Variants in ROBO1 observed in about 807,000 individuals in gnomAD.
ROBO1 encodes the protein roundabout homolog 1.
ROBO1 carries 149 observed loss-of-function variants against 195.9 expected under a neutral mutation model. That is an observed-to-expected ratio of 0.76 (90% CI 0.67 to 0.87). The LOEUF is 0.87. Among genes scored for constraint, ROBO1 ranks in the 40% least tolerant of loss-of-function variants. The pLI is 0.00. For missense variants in ROBO1, 1,933 were observed against 2,068.3 expected, an observed-to-expected ratio of 0.93 and a Z score of 1.27; for synonymous variants, 816 against 733.2, an observed-to-expected ratio of 1.11 and a Z score of -1.82.
intron 2 of ROBO1, among the ~76,000 whole-genome samples, chr3:79,241,968 G>T (rs2082528023): frequency 6.9e-6 from 1 of 144,156 alleles, no homozygotes. Flanking sequence ...TTTCATGAAA[G>T]ACACATTTTC....
At chr3:79,105,065 G>C (rs2079752555) in intron 3 of ROBO1, among the ~76,000 whole-genome samples, 1 of 151,662 alleles carries the variant, frequency 6.6e-6, no homozygotes, top group African/African-American at 2.4e-5. Context: ...CACCTATCAA[G>C]TTAATACAAA....
intron 1 of ROBO1, among the ~76,000 whole-genome samples, chr3:79,736,836 T>A (rs971379699): frequency 6.6e-6 from 1 of 152,214 alleles, no homozygotes; most frequent in African/African-American, 2.4e-5. Flanking sequence ...CAGCAGGCAT[T>A]GACTTAATGA....
chr3:78,798,463 G>A (rs1387983097), intron 4 of ROBO1, among the ~76,000 whole-genome samples: 6 of 152,116 alleles, frequency 3.9e-5, no homozygotes, highest in African/African-American at 1.4e-4. Context: ...AAAGCCACAA[G>A]CTTAATAGTT....
chr3:78,893,216 A>G (rs548446717), intron 4 of ROBO1, among the ~76,000 whole-genome samples: 3 of 152,230 alleles, frequency 2.0e-5, no homozygotes, highest in African/African-American at 4.8e-5. Flanking sequence ...CCAATGTGAT[A>G]GTATTAAGAA....
At chr3:79,110,805 G>C (rs933591170) in intron 3 of ROBO1, among the ~76,000 whole-genome samples, 7 of 151,560 alleles carry the variant, frequency 4.6e-5, no homozygotes, top group Non-Finnish European at 5.9e-5. Context: ...AATTTTTGTA[G>C]ATGGAGTCTC....
intron 4 of ROBO1, among the ~76,000 whole-genome samples, chr3:78,747,529 A>G (rs187548395): frequency 6.6e-6 from 1 of 152,278 alleles, no homozygotes; most frequent in Non-Finnish European, 1.5e-5. Context: ...AGGCACCAAT[A>G]TGGATAACAG....
At chr3:78,991,689 G>A (rs2077241386) in intron 3 of ROBO1, among the ~76,000 whole-genome samples, 1 of 152,182 alleles carries the variant, frequency 6.6e-6, no homozygotes, top group African/African-American at 2.4e-5. Context: ...AATTCTAAGT[G>A]ATAATTCCAC....
At chr3:78,942,876 C>T (rs139051048) in intron 3 of ROBO1, among the ~76,000 whole-genome samples, 1 of 152,038 alleles carries the variant, frequency 6.6e-6, no homozygotes, top group African/African-American at 2.4e-5. Context: ...ATAGCCACTG[C>T]ACTTCAGCCT....
intron 2 of ROBO1, among the ~76,000 whole-genome samples, chr3:79,175,476 T>C (rs1463080036): frequency 6.6e-6 from 1 of 152,216 alleles, no homozygotes; most frequent in African/African-American, 2.4e-5. Flanking sequence ...TTTATCTACT[T>C]GGATCAAATT....
At chr3:79,030,976 C>T (rs2078286070) in intron 3 of ROBO1, among the ~76,000 whole-genome samples, 1 of 152,224 alleles carries the variant, frequency 6.6e-6, no homozygotes, top group African/African-American at 2.4e-5. Context: ...CCCGCCTCTG[C>T]CTCCCAAAGT....
chr3:78,868,171 G>T (rs183920741), intron 4 of ROBO1, among the ~76,000 whole-genome samples: 1 of 152,186 alleles, frequency 6.6e-6, no homozygotes, highest in Admixed American at 6.5e-5. Flanking sequence ...ATGAGGAAAG[G>T]GAGCACATGG....
At chr3:78,813,958 A>G (rs746205243) in intron 4 of ROBO1, among the ~76,000 whole-genome samples, 1 of 151,972 alleles carries the variant, frequency 6.6e-6, no homozygotes, top group African/African-American at 2.4e-5. Context: ...ACTCAGGTAA[A>G]TGTTCTGCTT....
intron 2 of ROBO1, among the ~76,000 whole-genome samples, chr3:79,436,162 A>G (rs1455700208): frequency 1.3e-5 from 2 of 152,192 alleles, no homozygotes; most frequent in Non-Finnish European, 2.9e-5. Context: ...ATTTAAACTA[A>G]ATTTTAATAA....
chr3:79,692,953 T>C (rs1315394007), intron 1 of ROBO1, among the ~76,000 whole-genome samples: 1 of 151,836 alleles, frequency 6.6e-6, no homozygotes, highest in East Asian at 1.9e-4. Context: ...TTTTATACAA[T>C]ATTTTAAATA....
At chr3:79,432,034 G>A (rs1575817644) in intron 2 of ROBO1, among the ~76,000 whole-genome samples, 1 of 152,026 alleles carries the variant, frequency 6.6e-6, no homozygotes, top group African/African-American at 2.4e-5. Flanking sequence ...ACTTTCCACC[G>A]AAGTTTGATG....
At chr3:78,807,818 A>T (rs950710131) in intron 4 of ROBO1, among the ~76,000 whole-genome samples, 2 of 152,208 alleles carry the variant, frequency 1.3e-5, no homozygotes, top group Admixed American at 6.5e-5. Flanking sequence ...AGATGAGGGA[A>T]TGAAGAGAGG....
chr3:79,138,759 G>A (rs1353082813), intron 2 of ROBO1, among the ~76,000 whole-genome samples: 1 of 151,666 alleles, frequency 6.6e-6, no homozygotes, highest in Non-Finnish European at 1.5e-5. Flanking sequence ...AATATTGCCA[G>A]GTAGATGAAT....
At chr3:79,105,382 C>A (rs1368226272) in intron 3 of ROBO1, among the ~76,000 whole-genome samples, 1 of 151,506 alleles carries the variant, frequency 6.6e-6, no homozygotes, top group Admixed American at 6.6e-5. Context: ...CTGAAGATCA[C>A]AGAAATGAAA....
chr3:78,802,326 C>T (rs1044954615), intron 4 of ROBO1, among the ~76,000 whole-genome samples: 1 of 152,096 alleles, frequency 6.6e-6, no homozygotes, highest in Admixed American at 6.6e-5. Context: ...AAACTAGTTG[C>T]AAGAACATAA....
Sources: gnomAD v4.1 joint callset for allele counts (sites outside exome capture counted in the v4.1 genomes callset) on GRCh38, gnomAD v4.1.1 for gene constraint, MANE v1.5 for transcripts, NCBI Gene and HGNC (gene_info 2026-07-23, HGNC 2026-07-21) for gene names.